Variants in SUPT3H observed in about 807,000 individuals in gnomAD.
SUPT3H encodes SPT3 homolog, SAGA and STAGA complex component.
A neutral mutation model predicts 44.3 loss-of-function variants in SUPT3H; 44 were observed. The ratio of observed to expected loss-of-function variants is 0.99; its 90% CI spans 0.78 to 1.28. The LOEUF (loss-of-function observed/expected upper bound fraction) is 1.28, where lower values mean the gene tolerates loss of function less well. Among genes scored for constraint, SUPT3H ranks in the 50% most tolerant of loss-of-function variants. The pLI, the probability that SUPT3H is intolerant of heterozygous loss-of-function variation, is 0.00. For missense variants in SUPT3H, 380 were observed against 387.1 expected (o/e 0.98, Z 0.15); for synonymous variants, 124 against 125.6 (o/e 0.99, Z 0.09).
At chr6:45,282,347 A>G (rs1399348954) in intron 2 of SUPT3H, among the ~76,000 whole-genome samples, 2 of 151,782 alleles carry the variant, frequency 1.3e-5, no homozygotes, top group Non-Finnish European at 2.9e-5. Flanking sequence ...AAAAAAAATT[A>G]GACGAATGGC....
intron 3 of SUPT3H, among the ~76,000 whole-genome samples, chr6:45,085,824 A>T (rs917700170): frequency 1.3e-5 from 2 of 152,120 alleles, no homozygotes; most frequent in Non-Finnish European, 2.9e-5. Context: ...GATCAAAAGA[A>T]GAATGATAAT....
chr6:45,262,870 A>T (rs561724936), intron 2 of SUPT3H, among the ~76,000 whole-genome samples: 1 of 152,180 alleles, frequency 6.6e-6, no homozygotes, highest in Admixed American at 6.6e-5. Flanking sequence ...ACAAACAGCC[A>T]ACAAATATAT....
intron 2 of SUPT3H, among the ~76,000 whole-genome samples, chr6:45,351,711 A>G (rs1792089700): frequency 6.6e-6 from 1 of 151,986 alleles, no homozygotes; most frequent in South Asian, 2.1e-4. Context: ...TTTCTATTCT[A>G]TCCCTCCCAA....
intron 1 of SUPT3H, among the ~76,000 whole-genome samples, chr6:45,368,745 A>G (rs573595957): frequency 6.6e-6 from 1 of 152,290 alleles, no homozygotes; most frequent in East Asian, 1.9e-4. Context: ...AGACCTATGT[A>G]CTGATTTTGA....
chr6:45,332,955 A>T (rs535847971), intron 2 of SUPT3H, among the ~76,000 whole-genome samples: 2 of 151,694 alleles, frequency 1.3e-5, no homozygotes, highest in Non-Finnish European at 3.0e-5. Flanking sequence ...CTGAAGATAG[A>T]TAAAATTCTG....
intron 9 of SUPT3H, among the ~76,000 whole-genome samples, chr6:44,949,460 T>C (rs9463054): frequency 0.42 from 63,639 of 151,104 alleles, 13,706 homozygotes; most frequent in East Asian, 0.7. Context: ...AAGAAAAAAA[T>C]TGGATAAATT....
At chr6:45,305,392 C>G (rs936048255) in intron 2 of SUPT3H, among the ~76,000 whole-genome samples, 3 of 152,154 alleles carry the variant, frequency 2.0e-5, no homozygotes, top group Non-Finnish European at 2.9e-5. Context: ...TTGAAATTTT[C>G]AAGAAGTTAC....
intron 2 of SUPT3H, among the ~76,000 whole-genome samples, chr6:45,229,441 C>A (rs1487557490): frequency 6.6e-6 from 1 of 152,114 alleles, no homozygotes; most frequent in African/African-American, 2.4e-5. Flanking sequence ...ATGTATTCTA[C>A]TATAGCAAAA....
rs572713475 is a variant in SUPT3H, at chr6:44,837,710, GA to G, written c.913-7854del. Among the ~76,000 whole-genome samples, 601 of 152,234 alleles carry G rather than the reference GA, an allele frequency of 3.9e-3. 7 individuals are homozygous for G. Among genetic ancestry groups the G allele is most frequent in the African/African-American group, 0.014 (572 of 41,542 alleles). ...CCAATTGCTTTGTTTGCCAGAAAAA[GA>G]ATATTCAATTCATCTAAAACAACAC... On this transcript the variant is annotated intron_variant, in intron 10 of 10. Transcript: ENST00000371459.
At position 44,976,241 on chromosome 6, in the gene SUPT3H, A is replaced by G. The variant is rs73735296; in HGVS notation, c.505-14413T>C. ...AAAATGATAGTCTTTACCAAGTATG[A>G]CTATCACGAAGATACAAGAATAATC... On this transcript the variant is annotated intron_variant, in intron 6 of 10. Transcript: ENST00000371459. Among the ~76,000 whole-genome samples the G allele has an allele frequency of 3.9e-3, 594 of 152,346 alleles. 7 individuals carry two copies. The highest frequency in any genetic ancestry group is 0.014 in the African/African-American group (566 of 41,576).
Position 44,976,449 on chromosome 6 carries a change from C to T in SUPT3H, c.505-14621G>A, listed in dbSNP as rs534440207. Among the ~76,000 whole-genome samples, 283 of 152,056 alleles carry T rather than the reference C, an allele frequency of 1.9e-3. 1 individual carries two copies. The highest frequency in any genetic ancestry group is 6.2e-3 in the African/African-American group (259 of 41,448). ...CAATCTTGGCTCACTGCAATCTCTG[C>T]CTCCAGGGCTCGAGAGATTCTCCTG... is the stretch of plus-strand genomic sequence containing the variant. On this transcript the variant is annotated intron_variant, in intron 6 of 10. Transcript: ENST00000371459.
chr6:45,161,649 C>T (rs897825006), intron 2 of SUPT3H, among the ~76,000 whole-genome samples: 1 of 152,124 alleles, frequency 6.6e-6, no homozygotes, highest in Non-Finnish European at 1.5e-5. Context: ...CTTTGACCCT[C>T]CCTCCATACC....
chr6:44,874,873 G>C (rs1776992127), intron 10 of SUPT3H, among the ~76,000 whole-genome samples: 2 of 147,682 alleles, frequency 1.4e-5, no homozygotes, highest in Non-Finnish European at 1.5e-5. Flanking sequence ...AAACAGAGAG[G>C]CAAATCACGA....
chr6:45,309,549 GAAGA>G (rs1783639168), intron 2 of SUPT3H, among the ~76,000 whole-genome samples: 1 of 151,426 alleles, frequency 6.6e-6, no homozygotes, highest in Non-Finnish European at 1.5e-5. Context: ...AGTTCAAGAA[GAAGA>G]AAGAGAAAAA....
chr6:45,206,799 T>C (rs1427726556), intron 2 of SUPT3H, among the ~76,000 whole-genome samples: 2 of 151,992 alleles, frequency 1.3e-5, no homozygotes, highest in South Asian at 2.1e-4. Context: ...AATTGCCAAA[T>C]AGATTGCTGA....
At chr6:44,941,285 A>G (rs1199602814) in intron 9 of SUPT3H, among the ~76,000 whole-genome samples, 5 of 151,888 alleles carry the variant, frequency 3.3e-5, no homozygotes, top group Non-Finnish European at 7.4e-5. Flanking sequence ...TTTTGTTTCC[A>G]TGTTTAGGAC....
intron 3 of SUPT3H, among the ~76,000 whole-genome samples, chr6:45,070,648 T>C (rs1179728872): frequency 3.5e-5 from 5 of 144,584 alleles, no homozygotes; most frequent in Non-Finnish European, 7.4e-5. Flanking sequence ...GGCAGGAGAA[T>C]CACTTGAACC....
intron 11 of SUPT3H, among the ~76,000 whole-genome samples, chr6:44,818,566 A>T (rs1767061455): frequency 6.6e-6 from 1 of 152,196 alleles, no homozygotes; most frequent in Non-Finnish European, 1.5e-5. Flanking sequence ...CATTTCTGAT[A>T]ATAGATCTGT....
chr6:45,065,667 T>A (rs1348765978), intron 3 of SUPT3H, among the ~76,000 whole-genome samples: 1 of 150,384 alleles, frequency 6.6e-6, no homozygotes, highest in African/African-American at 2.5e-5. Flanking sequence ...TACCATCAGA[T>A]AATACTACAA....
Sources: allele counts gnomAD v4.1 joint callset (sites outside exome capture counted in the v4.1 genomes callset), GRCh38; gene constraint gnomAD v4.1.1; transcripts MANE v1.5; gene names NCBI Gene and HGNC (gene_info 2026-07-23, HGNC 2026-07-21).